The following ATRNL1 variants were observed in gnomAD, a reference collection of about 807,000 sequenced individuals.
The protein encoded by ATRNL1 is attractin-like protein 1.
ATRNL1 carries 95 observed loss-of-function variants against 182.7 expected under a neutral mutation model. The observed-to-expected ratio is 0.52, with a 90% CI of 0.44 to 0.62. ATRNL1 has a LOEUF of 0.62. ATRNL1 is among the 20% of genes least tolerant of loss of function. The pLI is 0.00. For missense variants in ATRNL1, 1,471 were observed against 1,679.5 expected, an observed-to-expected ratio of 0.88 and a Z score of 2.17; for synonymous variants, 576 against 568.3, an observed-to-expected ratio of 1.01 and a Z score of -0.19.
chr10:115,162,235 T>C (rs1283830362), intron 6 of ATRNL1, among the ~76,000 whole-genome samples: 1 of 151,776 alleles, frequency 6.6e-6, no homozygotes, highest in Admixed American at 6.6e-5. Context: ...TGGATAGATA[T>C]AGATAGATAG....
At chr10:115,856,075 A>G (rs782778548) in intron 28 of ATRNL1, among the ~76,000 whole-genome samples, 2 of 152,152 alleles carry the variant, frequency 1.3e-5, no homozygotes, top group East Asian at 3.9e-4. Context: ...AGGACAGATA[A>G]CCTCACAAAA....
chr10:115,479,215 T>C (rs1848657128), intron 24 of ATRNL1, among the ~76,000 whole-genome samples: 1 of 151,636 alleles, frequency 6.6e-6, no homozygotes, highest in South Asian at 2.1e-4. Flanking sequence ...TAATTAGAAG[T>C]TTTTTCTTTT....
chr10:115,739,040 T>G (rs1948063984), intron 27 of ATRNL1, among the ~76,000 whole-genome samples: 1 of 152,136 alleles, frequency 6.6e-6, no homozygotes, highest in Non-Finnish European at 1.5e-5. Context: ...AATATTATTT[T>G]TATCTTATCT....
At chr10:115,373,795 T>G (rs1358330912) in intron 19 of ATRNL1, among the ~76,000 whole-genome samples, 2 of 151,930 alleles carry the variant, frequency 1.3e-5, no homozygotes, top group Non-Finnish European at 2.9e-5. Context: ...ATTTTTTTCA[T>G]CTATGTTTAT....
chr10:115,575,130 A>T (rs2133871290), intron 26 of ATRNL1, among the ~76,000 whole-genome samples: 2 of 152,240 alleles, frequency 1.3e-5, no homozygotes, highest in African/African-American at 4.8e-5. Flanking sequence ...AAAATATATT[A>T]TTTTAAAATA....
rs71010022 is a variant in ATRNL1, at chr10:115,407,985, C to CTT, written c.3269+13261_3269+13262dup. On this transcript the variant is annotated intron_variant, in intron 20 of 28. Coordinates refer to ENST00000355044, the MANE Select transcript of ATRNL1 (RefSeq NM_207303.4). Reference sequence around the variant, plus strand: ...CTCTTTGTGGTTTTGATTTGCATTTCTTTTTTTTTTTTTTTTTTTTTTTTT... The same window carrying CTT: ...CTCTTTGTGGTTTTGATTTGCATTTCTTTTTTTTTTTTTTTTTTTTTTTTTTT... Among the ~76,000 whole-genome samples, 159 of 97,806 alleles carry CTT rather than the reference C, an allele frequency of 1.6e-3. 9 individuals carry two copies. The highest frequency in any genetic ancestry group is 3.6e-3 in the East Asian group (11 of 3,066). The allele number at this position is 97,806 out of a possible 152,430, so 64.2% of individuals were successfully genotyped here.
chr10:115,638,299 C>T (rs1204118286), intron 26 of ATRNL1, among the ~76,000 whole-genome samples: 2 of 152,132 alleles, frequency 1.3e-5, no homozygotes, highest in Non-Finnish European at 2.9e-5. Context: ...GAGCAATAAG[C>T]TGTGCTATAT....
At chr10:115,172,830 G>C (rs1401161532) in intron 8 of ATRNL1, among the ~76,000 whole-genome samples, 1 of 141,648 alleles carries the variant, frequency 7.1e-6, no homozygotes, top group African/African-American at 2.5e-5. Context: ...CATAATTACT[G>C]TTCTCAAGTT....
At chr10:115,543,661 A>G (rs138650832) in intron 25 of ATRNL1, among the ~76,000 whole-genome samples, 195 of 152,324 alleles carry the variant, frequency 1.3e-3, no homozygotes, top group African/African-American at 4.4e-3. Context: ...TATTTGTCAC[A>G]GCAACCTGCA....
chr10:115,377,031 T>A (rs1319847670), intron 19 of ATRNL1, among the ~76,000 whole-genome samples: 3 of 152,186 alleles, frequency 2.0e-5, no homozygotes, highest in Admixed American at 2.0e-4. Flanking sequence ...TTCTGTCATA[T>A]TTTGTAGCTC....
intron 9 of ATRNL1, among the ~76,000 whole-genome samples, chr10:115,239,495 G>A (rs142473038): frequency 2.0e-5 from 3 of 152,230 alleles, no homozygotes; most frequent in African/African-American, 7.2e-5. Flanking sequence ...GCCTCCCAAA[G>A]TGCTGGGATT....
chr10:115,417,963 C>G (rs1439995049), intron 20 of ATRNL1, among the ~76,000 whole-genome samples: 3 of 152,150 alleles, frequency 2.0e-5, no homozygotes, highest in African/African-American at 7.2e-5. Flanking sequence ...CAAAACTAGA[C>G]TAGGAAGACT....
intron 26 of ATRNL1, among the ~76,000 whole-genome samples, chr10:115,550,884 T>A (rs1017263815): frequency 6.6e-6 from 1 of 151,780 alleles, no homozygotes; most frequent in Non-Finnish European, 1.5e-5. Context: ...GAAGGCTGAA[T>A]CAATCAGGGA....
chr10:115,648,872 C>T (rs576532978), intron 26 of ATRNL1, among the ~76,000 whole-genome samples: 1 of 152,176 alleles, frequency 6.6e-6, no homozygotes, highest in South Asian at 2.1e-4. Context: ...TGTTGTGTGC[C>T]ATTTTGTGGT....
At chr10:115,280,440 A>G (rs1852309419) in intron 13 of ATRNL1, among the ~76,000 whole-genome samples, 1 of 152,244 alleles carries the variant, frequency 6.6e-6, no homozygotes, top group South Asian at 2.1e-4. Flanking sequence ...GACTAAGGAA[A>G]GAAGTCTTGA....
intron 19 of ATRNL1, among the ~76,000 whole-genome samples, chr10:115,367,468 C>G (rs1857111484): frequency 6.7e-6 from 1 of 149,544 alleles, no homozygotes; most frequent in South Asian, 2.1e-4. Context: ...GTTTGAATGT[C>G]CTCCCATAGC....
At chr10:115,911,884 C>T (rs965409826) in intron 28 of ATRNL1, among the ~76,000 whole-genome samples, 30 of 152,282 alleles carry the variant, frequency 2.0e-4, no homozygotes, top group Non-Finnish European at 4.1e-4. Flanking sequence ...TGTTTCTCCC[C>T]GTTCCTCCTT....
chr10:115,363,391 T>C (rs1454698802), intron 19 of ATRNL1, among the ~76,000 whole-genome samples: 1 of 147,864 alleles, frequency 6.8e-6, no homozygotes. Context: ...TAAATTTGTT[T>C]GAGTTCATTG....
intron 27 of ATRNL1, among the ~76,000 whole-genome samples, chr10:115,816,163 AC>A (rs1434563200): frequency 6.6e-6 from 1 of 152,280 alleles, no homozygotes; most frequent in South Asian, 2.1e-4. Flanking sequence ...ATCTAGCTCT[AC>A]CTGCCAAATT....
Sources: gnomAD v4.1 joint callset for allele counts (sites outside exome capture counted in the v4.1 genomes callset) on GRCh38, gnomAD v4.1.1 for gene constraint, MANE v1.5 for transcripts, NCBI Gene and HGNC (gene_info 2026-07-23, HGNC 2026-07-21) for gene names.